The following KCTD18 variants were observed in gnomAD, a reference collection of about 807,000 sequenced individuals.
The protein encoded by KCTD18 is BTB/POZ domain-containing protein KCTD18.
Under a neutral mutation model 30.4 loss-of-function variants are expected in KCTD18, and 22 were observed. The ratio of observed to expected loss-of-function variants is 0.72; its 90% CI spans 0.52 to 1.03. The LOEUF (loss-of-function observed/expected upper bound fraction) is 1.03, where lower values mean the gene tolerates loss of function less well. Ranked by LOEUF, KCTD18 falls within the 50% of genes least tolerant of loss-of-function variation. The probability of loss-of-function intolerance (pLI) is 0.00; values close to 1 mark genes in which losing one functional copy is unlikely to be tolerated. For missense variants in KCTD18, 529 were observed against 547.6 expected (o/e 0.97, Z 0.34); for synonymous variants, 186 against 209.0 (o/e 0.89, Z 0.95).
chr2:200,492,098 C>T (rs144761769), intron 6 of KCTD18, among the ~76,000 whole-genome samples: 57 of 152,280 alleles, frequency 3.7e-4, no homozygotes, highest in African/African-American at 6.7e-4. Flanking sequence ...GGAGGGTCTC[C>T]GTAAACCACT....
At position 200,497,858 on chromosome 2, in the gene KCTD18, T is replaced by G; in HGVS notation, c.567-11A>C. The G allele has an allele frequency of 1.3e-6, 2 of 1,568,166 alleles. No homozygotes were observed. Among genetic ancestry groups the G allele is most frequent in the Non-Finnish European group, 1.8e-6 (2 of 1,139,804 alleles). On this transcript the variant is annotated splice_polypyrimidine_tract_variant and intron_variant, in intron 4 of 6. Coordinates refer to ENST00000359878, the MANE Select transcript of KCTD18 (RefSeq NM_152387.4). ...TTATTTCCCGCCTCTCTAGAAATAT[T>G]GCAAAGAGTAATGAAAATATACTAC... is the stretch of plus-strand genomic sequence containing the variant.
At position 200,488,958 on chromosome 2, in the gene KCTD18, T is replaced by C. The variant is rs2106273156; in HGVS notation, c.*1142A>G. Reference sequence around the variant, plus strand: ...AAAGTACAGACACAGAAAATACCACTTTTTATGGAAAAGTTTTATTTGATT... The same window carrying C: ...AAAGTACAGACACAGAAAATACCACCTTTTATGGAAAAGTTTTATTTGATT... On this transcript the variant is annotated 3_prime_UTR_variant, in exon 7 of 7. Transcript: ENST00000359878. 1 of 152,320 alleles carries C rather than the reference T, an allele frequency of 6.6e-6. No individual in the cohort carries two copies. Among genetic ancestry groups the C allele is most frequent in the South Asian group, 2.1e-4 (1 of 4,834 alleles). 9.4% of individuals were successfully genotyped at this position (152,320 alleles called of 1,614,324 possible). A position where few individuals can be genotyped will look rare whatever the true frequency, so the allele number is the denominator to read the frequency against.
At chr2:200,504,252 A>G (rs1490695968) in intron 3 of KCTD18, among the ~76,000 whole-genome samples, 1 of 152,216 alleles carries the variant, frequency 6.6e-6, no homozygotes, top group Non-Finnish European at 1.5e-5. Flanking sequence ...AGGTCAGCAG[A>G]TCGAGACCAT....
At chr2:200,491,457 CTTGAAGCTTTAAAATTCATGTTAACATA>C (rs2087916712) in intron 6 of KCTD18, among the ~76,000 whole-genome samples, 1 of 151,926 alleles carries the variant, frequency 6.6e-6, no homozygotes, top group Non-Finnish European at 1.5e-5. Context: ...TTTTTTTCTT[CTTGAAGCTTTAAAATTCATGTTAACATA>C]TTAAAGATTA....
Position 200,498,956 on chromosome 2 carries a change from A to G in KCTD18, c.501T>C (p.Thr167=). 6.2e-7 allele frequency: 1 copy of G among 1,614,116 alleles called. No individual in the cohort carries two copies. The highest frequency in any genetic ancestry group is 8.5e-7 in the Non-Finnish European group (1 of 1,180,002). The change falls in exon 4 of 7, where the codon ACT becomes ACC. Residue 167 remains threonine (T), a synonymous_variant. Transcript: ENST00000359878. ...SRIIGVYATK[T]DGTDAIEKQL... is the part of the protein sequence containing the mutation. ...GCTTTTCAATAGCGTCTGTTCCATC[A>G]GTTTTTGTGGCATATACACCAATAA...
chr2:200,510,009 A>G lies in KCTD18; in HGVS notation c.-457T>C, dbSNP rs1239541052. 1 of 151,848 alleles carries G rather than the reference A, an allele frequency of 6.6e-6. No homozygotes were observed. The highest frequency in any genetic ancestry group is 1.5e-5 in the Non-Finnish European group (1 of 67,920). 9.4% of individuals were successfully genotyped at this position (151,848 alleles called of 1,614,324 possible). ...GGCGGGTCGGCAGCTTCCCAGACTG[A>G]CCTGCGGCCCGCCAGACCCTCGGCG... On this transcript the variant is annotated 5_prime_UTR_variant, in exon 1 of 7. Transcript: ENST00000359878.
chr2:200,493,827 G>C (rs1423068230), intron 5 of KCTD18, among the ~76,000 whole-genome samples: 3 of 152,158 alleles, frequency 2.0e-5, no homozygotes, highest in South Asian at 4.1e-4. Context: ...GTATTGTATA[G>C]GGGGTGGGTT....
chr2:200,499,767 T>C (rs2088056515), intron 3 of KCTD18, among the ~76,000 whole-genome samples: 1 of 151,504 alleles, frequency 6.6e-6, no homozygotes, highest in Non-Finnish European at 1.5e-5. Context: ...GAATCCTCCC[T>C]AACTCATTTT....
rs772460504 is a variant in KCTD18, at chr2:200,490,051, G to T, written c.*49C>A. On this transcript the variant is annotated 3_prime_UTR_variant, in exon 7 of 7. Coordinates refer to ENST00000359878, the MANE Select transcript of KCTD18 (RefSeq NM_152387.4). Reference sequence around the variant, plus strand: ...AGTGTCACTTCTTTGCGTCGAATGGGTTGAAAGCTTTGGGAGATGAACGGG... The same window carrying T: ...AGTGTCACTTCTTTGCGTCGAATGGTTTGAAAGCTTTGGGAGATGAACGGG... 1 of 1,516,222 alleles carries T rather than the reference G, an allele frequency of 6.6e-7. No individual in the cohort carries two copies. Among genetic ancestry groups the T allele is most frequent in the Admixed American group, 2.0e-5 (1 of 49,190 alleles). 93.9% of individuals were successfully genotyped at this position (1,516,222 alleles called of 1,614,324 possible). A position where few individuals can be genotyped will look rare whatever the true frequency, so the allele number is the denominator to read the frequency against.
intron 3 of KCTD18, among the ~76,000 whole-genome samples, chr2:200,504,255 G>A (rs936437662): frequency 6.6e-6 from 1 of 152,100 alleles, no homozygotes; most frequent in Non-Finnish European, 1.5e-5. Flanking sequence ...TCAGCAGATC[G>A]AGACCATCCT....
At position 200,490,506 on chromosome 2, in the gene KCTD18, G is replaced by A. The variant is rs370941047; in HGVS notation, c.875C>T (p.Ser292Leu). The A allele has an allele frequency of 6.2e-6, 10 of 1,609,126 alleles. No individual in the cohort carries two copies. The East Asian group carries it at 8.9e-5, about 14-fold the overall frequency. Residue 292 changes from serine (S) to leucine (L), a missense_variant, in exon 7 of 7, where the codon TCG becomes TTG. Physicochemically the swap from Ser to Leu is moderately radical, Grantham distance 145. Coordinates refer to ENST00000359878, the MANE Select transcript of KCTD18 (RefSeq NM_152387.4). ...GGCTGGAGACACCGTGACTGAGGCC[G>A]AGTTCTTGACTTTAATTTGGGTACT... ...STSTQIKVKN[S>L]ASVTVSPASA...
At chr2:200,502,320 A>C (rs939760194) in intron 3 of KCTD18, among the ~76,000 whole-genome samples, 10 of 152,092 alleles carry the variant, frequency 6.6e-5, no homozygotes, top group Admixed American at 6.6e-4. Flanking sequence ...AAAAAAAAAG[A>C]AATCTTCATA....
intron 6 of KCTD18, 104 bp from the exon 7 acceptor site, chr2:200,490,720 G>T: frequency 7.7e-7 from 1 of 1,293,326 alleles, no homozygotes; most frequent in Non-Finnish European, 1.0e-6. Context: ...TTTTGGTCAA[G>T]AATTAAAGAG....
chr2:200,494,459 A>G (rs565987124), intron 5 of KCTD18, among the ~76,000 whole-genome samples: 4 of 152,348 alleles, frequency 2.6e-5, no homozygotes, highest in South Asian at 4.1e-4. Flanking sequence ...CTAAGTCCCA[A>G]TAATGGATTT....
intron 3 of KCTD18, among the ~76,000 whole-genome samples, chr2:200,500,004 A>G (rs2088061364): frequency 1.3e-5 from 2 of 152,188 alleles, no homozygotes; most frequent in Admixed American, 6.5e-5. Context: ...GTAATCCAGC[A>G]TATAAACAGA....
intron 5 of KCTD18, chr2:200,497,425 C>A (rs544071113): frequency 5.4e-6 from 1 of 183,534 alleles, no homozygotes; most frequent in Non-Finnish European, 1.1e-5. Flanking sequence ...TTTTCTCTCC[C>A]TTTCCTTGAT....
intron 5 of KCTD18, among the ~76,000 whole-genome samples, chr2:200,495,597 G>C (rs939984615): frequency 1.3e-5 from 2 of 151,994 alleles, no homozygotes; most frequent in Admixed American, 6.6e-5. Flanking sequence ...TTACTCATCT[G>C]GTATATAAAA....
In KCTD18 at chr2:200,490,296, G is replaced by A. The variant is rs144995654; in HGVS notation, c.1085C>T (p.Ala362Val). The A allele has an allele frequency of 6.2e-7, 1 of 1,614,234 alleles. No homozygotes were observed. The highest frequency in any genetic ancestry group is 8.5e-7 in the Non-Finnish European group (1 of 1,180,024). Residue 362 changes from alanine to valine, a missense_variant, in exon 7 of 7, where the codon GCT becomes GTT. Physicochemically the swap from Ala to Val is moderately conservative, Grantham distance 64. Coordinates refer to ENST00000359878, the MANE Select transcript of KCTD18 (RefSeq NM_152387.4). ...AENGGTHLPP[A>V]KVLLSDKKPT... is the part of the protein sequence containing the mutation. ...CTTCTTGTCGGAGAGTAGCACCTTA[G>A]CTGGAGGTAAGTGCGTGCCTCCATT...
chr2:200,506,757 T>C lies in KCTD18; in HGVS notation c.160+100A>G, dbSNP rs921061062. 5.9e-6 allele frequency: 6 copies of C among 1,019,304 alleles called. No homozygotes were observed. The East Asian group carries it at 9.6e-5, about 16-fold the overall frequency. The allele number at this position is 1,019,304 out of a possible 1,614,324, so 63.1% of individuals were successfully genotyped here. On this transcript the variant is annotated intron_variant, in intron 2 of 6. Transcript: ENST00000359878. Reference sequence around the variant, plus strand: ...GTCCTAATGATCTCAGTAATTAGTATAGTCATCTAGTACATTTCGCTGTAA... The same window carrying C: ...GTCCTAATGATCTCAGTAATTAGTACAGTCATCTAGTACATTTCGCTGTAA...
Sources: allele counts gnomAD v4.1 joint callset (sites outside exome capture counted in the v4.1 genomes callset), GRCh38; gene constraint gnomAD v4.1.1; transcripts MANE v1.5; gene names NCBI Gene and HGNC (gene_info 2026-07-23, HGNC 2026-07-21).